The following CHIT1 variants were observed in gnomAD, a reference collection of about 807,000 sequenced individuals.
CHIT1 encodes chitotriosidase-1.
Under a neutral mutation model 52.0 loss-of-function variants are expected in CHIT1, and 47 were observed. The ratio of observed to expected loss-of-function variants is 0.90; its 90% CI spans 0.71 to 1.15. The LOEUF (loss-of-function observed/expected upper bound fraction) is 1.15. Among genes scored for constraint, CHIT1 ranks in the 50% most tolerant of loss-of-function variants. CHIT1 has a pLI of 0.00. For missense variants in CHIT1, 569 were observed against 583.0 expected, an observed-to-expected ratio of 0.98 and a Z score of 0.25; for synonymous variants, 242 against 228.2, an observed-to-expected ratio of 1.06 and a Z score of -0.54.
chr1:203,222,474 G>C (rs1352931100), intron 6 of CHIT1, 149 bp from the exon 7 acceptor site: 4 of 1,200,932 alleles, frequency 3.3e-6, no homozygotes, highest in Non-Finnish European at 4.7e-6. Context: ...CTCTGCAGAA[G>C]GTGACCCAGA....
intron 7 of CHIT1, among the ~76,000 whole-genome samples, chr1:203,221,314 T>C (rs553844287): frequency 6.6e-6 from 1 of 152,352 alleles, no homozygotes; most frequent in East Asian, 1.9e-4. Context: ...ACCCTCTCTA[T>C]ATTTTAAGAT....
chr1:203,222,074 CA>C, intron 7 of CHIT1, 127 bp downstream of exon 7: 1 of 1,371,122 alleles, frequency 7.3e-7, no homozygotes, highest in Non-Finnish European at 1.0e-6. Context: ...AGCAAAGAAA[CA>C]AAAAAGCTTC....
chr1:203,220,133 G>A (rs1294707584), intron 7 of CHIT1, among the ~76,000 whole-genome samples: 2 of 152,142 alleles, frequency 1.3e-5, no homozygotes, highest in Non-Finnish European at 2.9e-5. Flanking sequence ...TGTGCCAGGC[G>A]CTGTCCATGG....
chr1:203,222,878 G>A (rs1483052093), intron 6 of CHIT1, among the ~76,000 whole-genome samples: 2 of 152,124 alleles, frequency 1.3e-5, no homozygotes, highest in Non-Finnish European at 2.9e-5. Flanking sequence ...ATGAGTTCCC[G>A]AGGAAGAGGA....
intron 7 of CHIT1, among the ~76,000 whole-genome samples, chr1:203,220,970 C>G (rs185748242): frequency 3.4e-4 from 52 of 152,240 alleles, no homozygotes; most frequent in Admixed American, 2.7e-3. Context: ...ACTCCCACCC[C>G]ACTCACCTCT....
Position 203,216,899 on chromosome 1 carries a change from G to A in CHIT1, c.1391C>T (p.Thr464Ile). Residue 464 changes from threonine to isoleucine, a missense_variant, in exon 11 of 11, where the codon ACC (threonine) becomes ATC (isoleucine). Coordinates refer to ENST00000367229, the MANE Select transcript of CHIT1 (RefSeq NM_003465.3). ...LVFSNSCKCC[T>I]WN The stretch of plus-strand genomic sequence containing the variant: ...AGGGGCTTTAGCGACTCAATTCCAG[G>A]TGCAGCATTTGCAGGAGTTGCTGAA... 2 of 1,614,134 alleles carry A rather than the reference G, an allele frequency of 1.2e-6. No homozygotes were observed. The highest frequency in any genetic ancestry group is 1.7e-6 in the Non-Finnish European group (2 of 1,180,026).
At chr1:203,220,602 C>A (rs1478311916) in intron 7 of CHIT1, among the ~76,000 whole-genome samples, 1 of 152,170 alleles carries the variant, frequency 6.6e-6, no homozygotes, top group African/African-American at 2.4e-5. Flanking sequence ...TTCCTTAAGC[C>A]AAGAGTATGG....
rs1656905876 is a variant in CHIT1, at chr1:203,225,764, G to A, written c.162C>T (p.Leu54=). 2 of 1,614,126 alleles carry A rather than the reference G, an allele frequency of 1.2e-6. No homozygotes were observed. Among genetic ancestry groups the A allele is most frequent in the Non-Finnish European group, 1.7e-6 (2 of 1,180,010 alleles). The stretch of plus-strand genomic sequence containing the variant: ...TGGTCATGCCAGCGAAGGCGTAGAT[G>A]AGGTGGGTGCAAAGGCTGGGGTCCA... ...KDLDPSLCTH[L]IYAFAGMTNH... The change falls in exon 3 of 11, where the codon CTC becomes CTT. Residue 54 remains leucine, a synonymous_variant. Transcript: ENST00000367229.
At position 203,219,263 on chromosome 1, in the gene CHIT1, C is replaced by T; in HGVS notation, c.982G>A (p.Asp328Asn). Residue 328 changes from aspartate (D) to asparagine (N), a missense_variant, in exon 9 of 11, where the codon GAC (aspartate) becomes AAC (asparagine). Coordinates refer to ENST00000367229, the MANE Select transcript of CHIT1 (RefSeq NM_003465.3). Reference sequence around the variant, plus strand: ...TCATCAAAGCCCACCCACTGGTTGTCCCGGAAGATGTAGGGCACCTTCTGA... The same window carrying T: ...TCATCAAAGCCCACCCACTGGTTGTTCCGGAAGATGTAGGGCACCTTCTGA... Reference protein sequence around the residue: ...QDQKVPYIFRDNQWVGFDDVE... With the variant: ...QDQKVPYIFRNNQWVGFDDVE... 2 of 1,603,742 alleles carry T rather than the reference C, an allele frequency of 1.2e-6. No individual in the cohort carries two copies. Among genetic ancestry groups the T allele is most frequent in the South Asian group, 2.2e-5 (2 of 90,846 alleles).
In CHIT1 at chr1:203,219,329, C is replaced by T. The variant is rs1479964818; in HGVS notation, c.916G>A (p.Val306Ile). 21 of 1,568,640 alleles carry T rather than the reference C, an allele frequency of 1.3e-5. No individual in the cohort carries two copies. Among genetic ancestry groups the T allele is most frequent in the Non-Finnish European group, 1.7e-5 (19 of 1,138,546 alleles). ...KEGGMLAYYE[V>I]CSWKGATKQR... ...TTGGTGGCCCCCTTCCAGGAGCAGACCTGTGGGAGCAGAAGGCAGCACTGG... is the reference window on the plus strand; with the variant it reads ...TTGGTGGCCCCCTTCCAGGAGCAGATCTGTGGGAGCAGAAGGCAGCACTGG... The change falls in exon 9 of 11, where the codon GTC (valine) becomes ATC (isoleucine). Residue 306 changes from valine to isoleucine, a missense_variant and splice_region_variant. Val to Ile is a conservative substitution (Grantham distance 29). Transcript: ENST00000367229.
Position 203,222,298 on chromosome 1 carries a change from G to A in CHIT1, c.633C>T (p.Ala211=). 1.2e-6 allele frequency: 2 copies of A among 1,614,182 alleles called. No homozygotes were observed. The highest frequency in any genetic ancestry group is 1.6e-4 in the Middle Eastern group (1 of 6,062). The change falls in exon 7 of 11, where the codon GCC becomes GCT. Residue 211 remains alanine, a synonymous_variant. Transcript: ENST00000367229. The stretch of plus-strand genomic sequence containing the variant: ...TCTCCCAAGAGCCATGGAAGTCGTA[G>A]GCCATAAGGTTGACAAAATCCAGGT... ...AQNLDFVNLM[A]YDFHGSWEKV... is the part of the protein sequence containing the mutation.
intron 2 of CHIT1, among the ~76,000 whole-genome samples, chr1:203,228,045 A>T (rs1415022916): frequency 1.3e-5 from 2 of 152,280 alleles, no homozygotes; most frequent in East Asian, 3.9e-4. Context: ...TGCCTCTCTC[A>T]AGCTCCACAT....
intron 10 of CHIT1, chr1:203,217,472 C>T: frequency 1.6e-6 from 2 of 1,273,438 alleles, no homozygotes; most frequent in Admixed American, 2.0e-5. Context: ...AGGTGCTGCT[C>T]CCAGTCTGGG....
Position 203,216,082 on chromosome 1 carries a change from T to A in CHIT1, c.*807A>T, listed in dbSNP as rs1171313515. 2.2e-6 allele frequency: 1 copy of A among 453,172 alleles called. No individual in the cohort carries two copies. Among genetic ancestry groups the A allele is most frequent in the Admixed American group, 2.4e-5 (1 of 42,552 alleles). 28.1% of individuals were successfully genotyped at this position (453,172 alleles called of 1,614,324 possible). ...AGGTGCAGCCCAAAGCAGCCAGGAA[T>A]GTTGGGATGACTTTATTTAACCAGG... On this transcript the variant is annotated 3_prime_UTR_variant, in exon 11 of 11. Transcript: ENST00000367229.
At chr1:203,226,453 A>C (rs2486964) in intron 2 of CHIT1, among the ~76,000 whole-genome samples, 133 of 152,384 alleles carry the variant, frequency 8.7e-4, no homozygotes, top group African/African-American at 3.2e-3. Context: ...GGAATACCTC[A>C]GAATACTTCG....
chr1:203,229,342 G>A (rs1657048572), intron 1 of CHIT1, among the ~76,000 whole-genome samples: 1 of 152,198 alleles, frequency 6.6e-6, no homozygotes, highest in African/African-American at 2.4e-5. Context: ...TTTCAGGACA[G>A]AGAGAGGAAA....
Position 203,223,640 on chromosome 1 carries a change from G to A in CHIT1, c.335C>T (p.Thr112Met), listed in dbSNP as rs370359172. ...GACAAAGGTCTGACGGTTGTTGGCC[G>A]TGGCTACCATATCTGTGAACCTGTG... The part of the protein sequence containing the change: ...GTQKFTDMVA[T>M]ANNRQTFVNS... Residue 112 changes from threonine (T) to methionine (M), a missense_variant, in exon 5 of 11, where the codon ACG becomes ATG. Transcript: ENST00000367229. 65 of 1,614,094 alleles carry A rather than the reference G, an allele frequency of 4.0e-5. No homozygotes were observed. The highest frequency in any genetic ancestry group is 4.6e-5 in the Non-Finnish European group (54 of 1,180,048).
At chr1:203,224,871 C>T (rs1424921551) in intron 4 of CHIT1, among the ~76,000 whole-genome samples, 177 bp downstream of exon 4, 2 of 152,124 alleles carry the variant, frequency 1.3e-5, no homozygotes, top group African/African-American at 4.8e-5. Context: ...CTGTGCTGCC[C>T]TCCAGCTGAG....
chr1:203,228,567 A>G lies in CHIT1; in HGVS notation c.26-5T>C, dbSNP rs1214048425. The G allele has an allele frequency of 6.3e-7, 1 of 1,584,240 alleles. No homozygotes were observed. The highest frequency in any genetic ancestry group is 8.6e-7 in the Non-Finnish European group (1 of 1,163,056). On this transcript the variant is annotated splice_region_variant and splice_polypyrimidine_tract_variant and intron_variant, in intron 1 of 10. Transcript: ENST00000367229. Reference sequence around the variant, plus strand: ...TCATCAGCAGGACCATGAAACCTGGAGCAACACAAGAGAGAAGGCCAGGGT... The same window carrying G: ...TCATCAGCAGGACCATGAAACCTGGGGCAACACAAGAGAGAAGGCCAGGGT...
Sources: allele counts gnomAD v4.1 joint callset (sites outside exome capture counted in the v4.1 genomes callset), GRCh38; gene constraint gnomAD v4.1.1; transcripts MANE v1.5; gene names NCBI Gene and HGNC (gene_info 2026-07-23, HGNC 2026-07-21).